Variants in MAF observed in about 807,000 individuals in gnomAD.
The protein encoded by MAF is transcription factor Maf.
MAF carries 10 observed loss-of-function variants against 22.0 expected under a neutral mutation model. The ratio of observed to expected loss-of-function variants is 0.45; its 90% CI spans 0.28 to 0.77. The LOEUF is 0.77. MAF is among the 30% of genes least tolerant of loss of function. MAF has a pLI of 0.12. For synonymous variants in MAF, 337 were observed against 255.8 expected (o/e 1.32, Z -3.03); for missense variants, 544 against 548.4 (o/e 0.99, Z 0.08).
At chr16:79,399,586 G>C in the MAF span, among the ~76,000 whole-genome samples, 17 of 152,170 alleles carry the variant, frequency 1.1e-4, no homozygotes, top group African/African-American at 3.9e-4. Flanking sequence ...AAAAATCAGG[G>C]GCTTGTCACT....
chr16:79,435,919 C>G, the MAF span, among the ~76,000 whole-genome samples: 1 of 152,178 alleles, frequency 6.6e-6, no homozygotes, highest in Non-Finnish European at 1.5e-5. Flanking sequence ...GGTAAGGGAC[C>G]TGCTCTTTGG....
At chr16:79,479,179 C>T in the MAF span, among the ~76,000 whole-genome samples, 2 of 149,352 alleles carry the variant, frequency 1.3e-5, no homozygotes, top group African/African-American at 4.9e-5. Flanking sequence ...TTAATGTGCT[C>T]GTGCACCACC....
At chr16:79,388,427 G>A in the MAF span, among the ~76,000 whole-genome samples, 1 of 152,260 alleles carries the variant, frequency 6.6e-6, no homozygotes, top group East Asian at 1.9e-4. Flanking sequence ...TAGAGCAAAT[G>A]TCCCTGCCAC....
At chr16:79,389,976 CAAAAAAAAAAAAAA>C in the MAF span, among the ~76,000 whole-genome samples, 1 of 62,952 alleles carries the variant, frequency 1.6e-5, no homozygotes, top group African/African-American at 6.9e-5. Flanking sequence ...GACTCCATCT[CAAAAAAAAAAAAAA>C]AAAAAAAAAA....
chr16:79,381,321 G>C, the MAF span, among the ~76,000 whole-genome samples: 2 of 152,196 alleles, frequency 1.3e-5, no homozygotes, highest in Admixed American at 6.5e-5. Flanking sequence ...AACAACCATA[G>C]GTCAGAGAGT....
chr16:79,240,520 A>AG, the MAF span, among the ~76,000 whole-genome samples: 1 of 124,968 alleles, frequency 8.0e-6, no homozygotes, highest in Non-Finnish European at 1.6e-5. Context: ...AAAAAAAAAA[A>AG]AAAAAAGGGC....
chr16:79,535,672 T>C, the MAF span, among the ~76,000 whole-genome samples: 1 of 148,982 alleles, frequency 6.7e-6, no homozygotes, highest in South Asian at 2.2e-4. Context: ...CACTGCAACT[T>C]CTGCCTCCTG....
the MAF span, among the ~76,000 whole-genome samples, chr16:79,275,130 T>C: frequency 3.3e-5 from 5 of 151,958 alleles, no homozygotes; most frequent in Non-Finnish European, 7.4e-5. Context: ...CTGAGGCAGG[T>C]GGATCACTTG....
the MAF span, among the ~76,000 whole-genome samples, chr16:79,294,648 T>C: frequency 6.6e-6 from 1 of 152,220 alleles, no homozygotes; most frequent in Admixed American, 6.5e-5. Flanking sequence ...ATATTCTTAA[T>C]AGTTTACAGA....
chr16:79,598,003 T>C (rs1913660938), intron 1 of MAF: 11 of 1,028,496 alleles, frequency 1.1e-5, no homozygotes, highest in Middle Eastern at 4.4e-4. Flanking sequence ...GGCTTGATTG[T>C]GGAAGGTTCA....
At chr16:79,226,558 A>G in the MAF span, among the ~76,000 whole-genome samples, 1 of 152,074 alleles carries the variant, frequency 6.6e-6, no homozygotes, top group Non-Finnish European at 1.5e-5. Flanking sequence ...TTTATAACCT[A>G]TTAGATGAAA....
chr16:79,211,516 G>T, the MAF span: 1 of 1,539,718 alleles, frequency 6.5e-7, no homozygotes, highest in Non-Finnish European at 8.9e-7. Flanking sequence ...ACCAGGTGGG[G>T]GAGGCCTGCT....
chr16:79,597,950 C>G, intron 1 of MAF: 6 of 1,043,138 alleles, frequency 5.8e-6, no homozygotes, highest in Non-Finnish European at 6.9e-6. Flanking sequence ...GATTTGGCAT[C>G]ACAAGGCCAA....
chr16:79,310,711 A>C, the MAF span, among the ~76,000 whole-genome samples: 1 of 152,092 alleles, frequency 6.6e-6, no homozygotes, highest in Non-Finnish European at 1.5e-5. Context: ...CTCTGTGGCC[A>C]TTTTGGGCTC....
At chr16:79,213,281 G>T in the MAF span, among the ~76,000 whole-genome samples, 6 of 149,742 alleles carry the variant, frequency 4.0e-5, no homozygotes, top group African/African-American at 1.5e-4. Flanking sequence ...CTCTGCATCT[G>T]TGGTGCAGAG....
the MAF span, among the ~76,000 whole-genome samples, chr16:79,380,094 C>T: frequency 2.6e-5 from 4 of 152,190 alleles, no homozygotes; most frequent in African/African-American, 9.6e-5. Flanking sequence ...ACTGCCTAAA[C>T]ATACAACTCT....
the MAF span, among the ~76,000 whole-genome samples, chr16:79,210,384 T>C: frequency 0.022 from 3,308 of 152,272 alleles, 115 homozygotes; most frequent in African/African-American, 0.076. Context: ...ACCAGACCAT[T>C]TGAGGGAAAC....
the MAF span, among the ~76,000 whole-genome samples, chr16:79,468,112 C>T: frequency 2.0e-5 from 3 of 152,300 alleles, no homozygotes; most frequent in East Asian, 5.8e-4. Flanking sequence ...AAAGAGACAG[C>T]AGCCATTGGT....
At chr16:79,542,464 T>C in the MAF span, among the ~76,000 whole-genome samples, 1 of 152,154 alleles carries the variant, frequency 6.6e-6, no homozygotes, top group Non-Finnish European at 1.5e-5. Flanking sequence ...CCCAGGGACA[T>C]GGCCTATGGC....
Sources: gnomAD v4.1 joint callset for allele counts (sites outside exome capture counted in the v4.1 genomes callset) on GRCh38, gnomAD v4.1.1 for gene constraint, MANE v1.5 for transcripts, NCBI Gene and HGNC (gene_info 2026-07-23, HGNC 2026-07-21) for gene names.